FSTL5: variants seen among roughly 807,000 people sequenced by gnomAD.
FSTL5 encodes follistatin like 5, also known as follistatin-related protein 5.
Under a neutral mutation model 89.1 loss-of-function variants are expected in FSTL5, and 62 were observed. The ratio of observed to expected loss-of-function variants is 0.70; its 90% CI spans 0.57 to 0.86. The LOEUF (loss-of-function observed/expected upper bound fraction) is 0.86. Among genes scored for constraint, FSTL5 ranks in the 40% least tolerant of loss-of-function variants. FSTL5 has a pLI of 0.00. For synonymous variants in FSTL5, 383 were observed against 346.2 expected, an observed-to-expected ratio of 1.11 and a Z score of -1.18; for missense variants, 1,057 against 1,001.6, an observed-to-expected ratio of 1.06 and a Z score of -0.75.
chr4:161,964,509 T>C (rs1735269762), intron 3 of FSTL5, among the ~76,000 whole-genome samples: 1 of 152,034 alleles, frequency 6.6e-6, no homozygotes, highest in African/African-American at 2.4e-5. Context: ...TAGTTGCTTA[T>C]TATTTACTTC....
chr4:161,600,746 A>T (rs993130392), intron 7 of FSTL5, among the ~76,000 whole-genome samples: 12 of 152,168 alleles, frequency 7.9e-5, no homozygotes, highest in Admixed American at 3.3e-4. Flanking sequence ...GGCCCAAAAA[A>T]CCTAAAATCC....
chr4:162,099,841 ATG>A (rs1409896638), intron 2 of FSTL5, among the ~76,000 whole-genome samples: 1 of 152,192 alleles, frequency 6.6e-6, no homozygotes, highest in Non-Finnish European at 1.5e-5. Context: ...TAAACATCAT[ATG>A]TCATTAGGGA....
intron 12 of FSTL5, among the ~76,000 whole-genome samples, chr4:161,483,985 C>T (rs2126458156): frequency 6.6e-6 from 1 of 152,060 alleles, no homozygotes; most frequent in African/African-American, 2.4e-5. Flanking sequence ...CATATTTAAT[C>T]ACATATTTCC....
intron 5 of FSTL5, among the ~76,000 whole-genome samples, chr4:161,761,088 T>C (rs1381232501): frequency 6.6e-5 from 10 of 152,190 alleles, no homozygotes; most frequent in Admixed American, 6.5e-4. Flanking sequence ...TTATATTGGT[T>C]AAGCTGATTA....
chr4:161,746,663 T>A (rs1458500596), intron 6 of FSTL5, among the ~76,000 whole-genome samples: 1 of 152,196 alleles, frequency 6.6e-6, no homozygotes, highest in African/African-American at 2.4e-5. Context: ...TCTCATCTTA[T>A]TTCTTAAGGC....
intron 6 of FSTL5, among the ~76,000 whole-genome samples, chr4:161,697,599 C>T (rs565960756): frequency 1.8e-4 from 27 of 152,160 alleles, no homozygotes; most frequent in Admixed American, 1.6e-3. Context: ...ATAGAATCCA[C>T]GTAAGTGCCG....
chr4:162,003,093 G>A (rs546576444), intron 3 of FSTL5, among the ~76,000 whole-genome samples: 1 of 152,142 alleles, frequency 6.6e-6, no homozygotes, highest in South Asian at 2.1e-4. Flanking sequence ...GCAGTGAGCC[G>A]AGATCGCACC....
chr4:161,463,290 G>A (rs1221423296), intron 13 of FSTL5, among the ~76,000 whole-genome samples: 3 of 151,856 alleles, frequency 2.0e-5, no homozygotes, highest in Admixed American at 6.6e-5. Context: ...TTGCTGTCTG[G>A]TTATAAAAGT....
At chr4:161,774,739 T>TGTGCC (rs1741344809) in intron 5 of FSTL5, among the ~76,000 whole-genome samples, 3 of 149,844 alleles carry the variant, frequency 2.0e-5, no homozygotes, top group Admixed American at 2.0e-4. Context: ...AGTGCTTAAA[T>TGTGCC]TAGAAATTTA....
At chr4:162,019,210 A>G (rs186103962) in intron 3 of FSTL5, among the ~76,000 whole-genome samples, 14 of 152,196 alleles carry the variant, frequency 9.2e-5, no homozygotes, top group African/African-American at 3.4e-4. Context: ...GCTGCTTAAC[A>G]AATAAAAATA....
At chr4:161,666,990 ATATTGT>A (rs990488811) in intron 6 of FSTL5, among the ~76,000 whole-genome samples, 1 of 152,032 alleles carries the variant, frequency 6.6e-6, no homozygotes, top group Non-Finnish European at 1.5e-5. Context: ...CAGAATTGAA[ATATTGT>A]TTTTTATTCT....
At chr4:161,612,009 G>A (rs1734672809) in intron 7 of FSTL5, among the ~76,000 whole-genome samples, 1 of 152,234 alleles carries the variant, frequency 6.6e-6, no homozygotes, top group Admixed American at 6.5e-5. Flanking sequence ...TGTTACTGGA[G>A]GATCCACTGG....
intron 12 of FSTL5, among the ~76,000 whole-genome samples, chr4:161,490,525 CACTTAGGAATAAA>C (rs1729830333): frequency 6.6e-6 from 1 of 152,106 alleles, no homozygotes. Context: ...TACAGTATAT[CACTTAGGAATAAA>C]ACTTTTTTTT....
chr4:161,384,720 A>C lies in FSTL5; in HGVS notation c.*1027T>G, dbSNP rs1730554025. The stretch of plus-strand genomic sequence containing the variant: ...CCTTTATTCCCAACTTATATTACTA[A>C]TTCTTCTAAGCCACTAATACCTCAT... On this transcript the variant is annotated 3_prime_UTR_variant, in exon 16 of 16. Transcript: ENST00000306100. The C allele has an allele frequency of 6.6e-6, 1 of 152,262 alleles. No homozygotes were observed. Among genetic ancestry groups the C allele is most frequent in the Non-Finnish European group, 1.5e-5 (1 of 67,984 alleles). 9.4% of individuals were successfully genotyped at this position (152,262 alleles called of 1,614,324 possible). A position where few individuals can be genotyped will look rare whatever the true frequency, so the allele number is the denominator to read the frequency against.
chr4:161,467,696 C>T (rs1228557030), intron 13 of FSTL5, among the ~76,000 whole-genome samples: 3 of 151,988 alleles, frequency 2.0e-5, no homozygotes, highest in Non-Finnish European at 4.4e-5. Context: ...GACTAAAATT[C>T]ACATACTCCT....
chr4:161,526,385 C>A (rs1391285770), intron 10 of FSTL5, among the ~76,000 whole-genome samples: 1 of 152,082 alleles, frequency 6.6e-6, no homozygotes, highest in Non-Finnish European at 1.5e-5. Context: ...TTATTCTTTA[C>A]ACCAGAGTTG....
chr4:161,790,946 C>G (rs1016665967), intron 4 of FSTL5, among the ~76,000 whole-genome samples: 1 of 151,948 alleles, frequency 6.6e-6, no homozygotes, highest in Admixed American at 6.6e-5. Context: ...GGTTCATACT[C>G]AGTATGTGGC....
intron 4 of FSTL5, among the ~76,000 whole-genome samples, chr4:161,867,225 T>C (rs1252765293): frequency 1.3e-5 from 2 of 152,022 alleles, no homozygotes; most frequent in Non-Finnish European, 2.9e-5. Context: ...ATTTGCATGT[T>C]TACCTACTAT....
chr4:161,916,007 TA>T (rs201755264), intron 4 of FSTL5, among the ~76,000 whole-genome samples: 24 of 146,652 alleles, frequency 1.6e-4, no homozygotes, highest in Non-Finnish European at 2.3e-4. Context: ...AGTTCCTTCT[TA>T]AAAAAAAAAG....
Sources: gnomAD v4.1 joint callset for allele counts (sites outside exome capture counted in the v4.1 genomes callset) on GRCh38, gnomAD v4.1.1 for gene constraint, MANE v1.5 for transcripts, NCBI Gene and HGNC (gene_info 2026-07-23, HGNC 2026-07-21) for gene names.